Variants in ANKRD17 observed in about 807,000 individuals in gnomAD.
ANKRD17 encodes the protein ankyrin repeat domain 17.
ANKRD17 carries 19 observed loss-of-function variants against 229.7 expected under a neutral mutation model. That is an observed-to-expected ratio of 0.08 (90% CI 0.06 to 0.12). The LOEUF (loss-of-function observed/expected upper bound fraction) is 0.12. Ranked by LOEUF, ANKRD17 falls within the 10% of genes least tolerant of loss-of-function variation. The pLI, the probability that ANKRD17 is intolerant of heterozygous loss-of-function variation, is 1.00. For synonymous variants in ANKRD17, 1,112 were observed against 1,146.1 expected, an observed-to-expected ratio of 0.97 and a Z score of 0.60; for missense variants, 2,176 against 3,176.8, an observed-to-expected ratio of 0.68 and a Z score of 7.57.
At chr4:73,183,586 C>A (rs1382891950) in intron 1 of ANKRD17, among the ~76,000 whole-genome samples, 1 of 152,110 alleles carries the variant, frequency 6.6e-6, no homozygotes, top group Non-Finnish European at 1.5e-5. Context: ...TCCTTCTCTT[C>A]CTTCAGCCTC....
chr4:73,150,056 G>C (rs1730808365), intron 7 of ANKRD17, among the ~76,000 whole-genome samples: 1 of 151,722 alleles, frequency 6.6e-6, no homozygotes, highest in African/African-American at 2.4e-5. Context: ...TTGCCTCTAT[G>C]CTTGTCACAT....
chr4:73,138,191 T>C (rs1729153381), intron 15 of ANKRD17, among the ~76,000 whole-genome samples: 1 of 152,138 alleles, frequency 6.6e-6, no homozygotes, highest in South Asian at 2.1e-4. Flanking sequence ...TACTCTCAAT[T>C]ATTATAATCA....
chr4:73,133,452 A>G (rs1269378629), intron 16 of ANKRD17, among the ~76,000 whole-genome samples: 4 of 141,536 alleles, frequency 2.8e-5, no homozygotes. Context: ...GTGCAGTGGC[A>G]TGATCTCGGC....
At chr4:73,186,547 C>T (rs2149041444) in intron 1 of ANKRD17, among the ~76,000 whole-genome samples, 1 of 152,128 alleles carries the variant, frequency 6.6e-6, no homozygotes, top group South Asian at 2.1e-4. Flanking sequence ...TATTAAGCAG[C>T]TACTATAATC....
rs1485207045 is a variant in ANKRD17 at position 73,092,107 on chromosome 4, C to A, written c.5521G>T (p.Ala1841Ser). The change falls in exon 29 of 34, where the codon GCT (alanine) becomes TCT (serine). Residue 1841 changes from alanine (A) to serine (S), a missense_variant. Physicochemically the swap from Ala to Ser is moderately conservative, Grantham distance 99. This residue lies in a region of ANKRD17 where 142 missense variants were observed against 200.4 expected (regional missense o/e 0.71). Coordinates refer to ENST00000358602, the MANE Select transcript of ANKRD17 (RefSeq NM_032217.5). Reference sequence around the variant, plus strand: ...GCAGTTTGAGATGTTGATGACAGAGCTACAGTTGTCATTTTAATTCCCATT... The same window carrying A: ...GCAGTTTGAGATGTTGATGACAGAGATACAGTTGTCATTTTAATTCCCATT... ...SLMGIKMTTV[A>S]LSSTSQTATA... 1 of 1,614,152 alleles carries A rather than the reference C, an allele frequency of 6.2e-7. No homozygotes were observed. The highest frequency in any genetic ancestry group is 1.3e-5 in the African/African-American group (1 of 75,032).
chr4:73,146,685 C>A, intron 10 of ANKRD17, 79 bp downstream of exon 10: 4 of 1,010,642 alleles, frequency 4.0e-6, no homozygotes, highest in Non-Finnish European at 5.6e-6. Flanking sequence ...TAAAGAAATA[C>A]CTTTTGTCTA....
intron 1 of ANKRD17, chr4:73,223,076 C>T (rs1472703338): frequency 6.5e-7 from 1 of 1,529,572 alleles, no homozygotes; most frequent in Non-Finnish European, 8.8e-7. Flanking sequence ...TAGATCATTG[C>T]CAGCAGGAAC....
chr4:73,213,249 C>T (rs778401833), intron 1 of ANKRD17, among the ~76,000 whole-genome samples: 2 of 151,944 alleles, frequency 1.3e-5, no homozygotes, highest in Non-Finnish European at 2.9e-5. Context: ...AAGGTTAGAA[C>T]CAGGTAAGGA....
intron 2 of ANKRD17, among the ~76,000 whole-genome samples, chr4:73,163,965 A>G (rs776112146): frequency 3.3e-5 from 5 of 152,334 alleles, no homozygotes; most frequent in Non-Finnish European, 5.9e-5. Context: ...GAGTAGTCAA[A>G]TTTCATATCT....
At chr4:73,118,880 CTTTTTTT>C (rs751549226) in intron 21 of ANKRD17, 30 bp from the exon 22 acceptor site, 217 of 804,406 alleles carry the variant, frequency 2.7e-4, no homozygotes, top group Middle Eastern at 9.8e-4. Context: ...ATAGCATTGT[CTTTTTTT>C]TTTTTTTTTT....
chr4:73,148,657 A>G (rs1182856387), intron 8 of ANKRD17, among the ~76,000 whole-genome samples, 156 bp downstream of exon 8: 1 of 152,198 alleles, frequency 6.6e-6, no homozygotes, highest in Non-Finnish European at 1.5e-5. Context: ...TTAACACAGT[A>G]TGGGAGCCAT....
At chr4:73,235,952 C>T (rs1743467288) in intron 1 of ANKRD17, among the ~76,000 whole-genome samples, 2 of 152,082 alleles carry the variant, frequency 1.3e-5, no homozygotes, top group African/African-American at 4.8e-5. Context: ...AATCCTCTTG[C>T]CTCAGCCTCC....
At chr4:73,095,542 C>A (rs1467075230) in intron 27 of ANKRD17, among the ~76,000 whole-genome samples, 1 of 146,302 alleles carries the variant, frequency 6.8e-6, no homozygotes, top group East Asian at 2.0e-4. Context: ...GCAGAGGTTG[C>A]AGCAAGCCGA....
At chr4:73,151,587 T>C in intron 6 of ANKRD17, 63 bp from the exon 7 acceptor site, 1 of 1,233,782 alleles carries the variant, frequency 8.1e-7, no homozygotes, top group Non-Finnish European at 1.1e-6. Flanking sequence ...TTTTTTAAAA[T>C]TATAATATTT....
At position 73,098,150 on chromosome 4, in the gene ANKRD17, G is replaced by C; in HGVS notation, c.4944C>G (p.Ser1648Arg). The change falls in exon 26 of 34, where the codon AGC becomes AGG. Residue 1648 changes from serine to arginine, a missense_variant. Physicochemically the swap from Ser to Arg is moderately radical, Grantham distance 110. Transcript: ENST00000358602. Reference protein sequence around the residue: ...HSPAVVTTTVSSKKQPSVLVT... With the variant: ...HSPAVVTTTVRSKKQPSVLVT... ...CAAGAACTGATGGCTGCTTTTTGCT[G>C]CTCACAGTGGTAGTGACCACAGCTG... 2 of 1,613,850 alleles carry C rather than the reference G, an allele frequency of 1.2e-6. No individual in the cohort carries two copies. Among genetic ancestry groups the C allele is most frequent in the South Asian group, 1.1e-5 (1 of 91,022 alleles).
At chr4:73,240,930 T>A (rs751913756) in intron 1 of ANKRD17, among the ~76,000 whole-genome samples, 15 of 148,304 alleles carry the variant, frequency 1.0e-4, no homozygotes, top group Non-Finnish European at 1.9e-4. Flanking sequence ...TGCCTCAGCC[T>A]CCCGAGTAGC....
chr4:73,195,125 T>G (rs1475511369), intron 1 of ANKRD17, among the ~76,000 whole-genome samples: 1 of 152,174 alleles, frequency 6.6e-6, no homozygotes, highest in African/African-American at 2.4e-5. Flanking sequence ...ACTGTGATTA[T>G]AATTTTTTTT....
chr4:73,153,864 A>G lies in ANKRD17; in HGVS notation c.1234+16T>C. ...CATATTTAAAAACTTTGTTTTAAGA[A>G]AGGTTTATACTGTACCTTTGTAACA... On this transcript the variant is annotated intron_variant, in intron 6 of 33. Transcript: ENST00000358602. The G allele has an allele frequency of 7.0e-7, 1 of 1,429,260 alleles. No homozygotes were observed. Among genetic ancestry groups the G allele is most frequent in the Non-Finnish European group, 9.2e-7 (1 of 1,081,170 alleles). 88.5% of individuals were successfully genotyped at this position (1,429,260 alleles called of 1,614,324 possible).
chr4:73,084,875 T>A (rs970421135), intron 30 of ANKRD17, among the ~76,000 whole-genome samples: 1 of 152,012 alleles, frequency 6.6e-6, no homozygotes, highest in African/African-American at 2.4e-5. Context: ...AAGGATTAAT[T>A]TTTTTCCCCC....
Sources: allele counts gnomAD v4.1 joint callset (sites outside exome capture counted in the v4.1 genomes callset), GRCh38; gene constraint gnomAD v4.1.1; regional missense constraint gnomAD v4.1.1; transcripts MANE v1.5; gene names NCBI Gene and HGNC (gene_info 2026-07-23, HGNC 2026-07-21).